NDRG3: variants seen among roughly 807,000 people sequenced by gnomAD.
NDRG3 encodes the protein protein NDRG3.
In NDRG3, 23 loss-of-function variants were observed where a neutral mutation model predicts 57.2. The observed-to-expected ratio is 0.40, with a 90% confidence interval of 0.29 to 0.57. NDRG3 has a LOEUF of 0.57. Ranked by LOEUF, NDRG3 falls within the 20% of genes least tolerant of loss-of-function variation. NDRG3 has a pLI of 0.42. For missense variants in NDRG3, 384 were observed against 457.3 expected (o/e 0.84, Z 1.46); for synonymous variants, 132 against 162.6 (o/e 0.81, Z 1.43).
intron 10 of NDRG3, 115 bp downstream of exon 10, chr20:36,666,174 A>G (rs1159465251): frequency 1.3e-6 from 1 of 771,746 alleles, no homozygotes; most frequent in Admixed American, 2.4e-5. Context: ...AGGGGCTCAC[A>G]TTTTCACCTC....
At chr20:36,707,879 T>A (rs1983636851) in intron 2 of NDRG3, among the ~76,000 whole-genome samples, 1 of 151,236 alleles carries the variant, frequency 6.6e-6, no homozygotes, top group South Asian at 2.1e-4. Flanking sequence ...AGGTCAGGAG[T>A]TTGTGGGCAG....
chr20:36,708,789 G>A (rs190266867), intron 2 of NDRG3, among the ~76,000 whole-genome samples: 6 of 151,830 alleles, frequency 4.0e-5, no homozygotes, highest in Non-Finnish European at 7.4e-5. Context: ...ATCCCAGCAC[G>A]GCACTTTGGG....
At chr20:36,736,100 C>G (rs1039233157) in intron 1 of NDRG3, among the ~76,000 whole-genome samples, 1 of 151,864 alleles carries the variant, frequency 6.6e-6, no homozygotes, top group African/African-American at 2.4e-5. Context: ...CTTTACTACA[C>G]AGACAACCCC....
chr20:36,694,385 G>T (rs1568648483), intron 3 of NDRG3, among the ~76,000 whole-genome samples: 1 of 152,200 alleles, frequency 6.6e-6, no homozygotes, highest in Non-Finnish European at 1.5e-5. Context: ...CATAAAAGAA[G>T]TGAAAAACAG....
chr20:36,664,832 G>A (rs1052452017), intron 12 of NDRG3, among the ~76,000 whole-genome samples: 1 of 152,040 alleles, frequency 6.6e-6, no homozygotes, highest in African/African-American at 2.4e-5. Context: ...TGGGACTACA[G>A]GCTGTCACCA....
intron 1 of NDRG3, among the ~76,000 whole-genome samples, chr20:36,737,490 A>C (rs571717435): frequency 6.6e-6 from 1 of 152,216 alleles, no homozygotes; most frequent in Non-Finnish European, 1.5e-5. Flanking sequence ...TTGAGCGCTT[A>C]ACACTATGCC....
chr20:36,658,219 C>A (rs775640085), intron 13 of NDRG3, among the ~76,000 whole-genome samples: 8 of 152,162 alleles, frequency 5.3e-5, no homozygotes, highest in Non-Finnish European at 1.2e-4. Context: ...GCAACCTCCA[C>A]CTCCCAGGTT....
chr20:36,685,738 T>C (rs866005947), intron 5 of NDRG3, among the ~76,000 whole-genome samples: 5 of 152,172 alleles, frequency 3.3e-5, no homozygotes, highest in African/African-American at 4.8e-5. Context: ...ACTGGGAGCG[T>C]TGGCTCACGC....
chr20:36,728,748 CAG>C (rs1374101258), intron 1 of NDRG3, among the ~76,000 whole-genome samples: 6 of 151,564 alleles, frequency 4.0e-5, no homozygotes, highest in Admixed American at 1.3e-4. Flanking sequence ...GGTTTTGAGA[CAG>C]AGTCTCACTC....
chr20:36,696,797 G>C (rs982102768), intron 3 of NDRG3, among the ~76,000 whole-genome samples: 16 of 152,176 alleles, frequency 1.1e-4, no homozygotes, highest in Non-Finnish European at 2.1e-4. Flanking sequence ...GGCCGCCTCT[G>C]GCCTTTTCTA....
chr20:36,671,075 T>C (rs1980110176), intron 9 of NDRG3, among the ~76,000 whole-genome samples: 1 of 152,186 alleles, frequency 6.6e-6, no homozygotes, highest in Non-Finnish European at 1.5e-5. Context: ...GGGAGGCACG[T>C]GATGTCAAAC....
At chr20:36,697,577 G>A (rs972109011) in intron 3 of NDRG3, among the ~76,000 whole-genome samples, 5 of 152,068 alleles carry the variant, frequency 3.3e-5, no homozygotes, top group Admixed American at 6.6e-5. Flanking sequence ...GCGTGGTGGC[G>A]GGTGCCTATA....
chr20:36,730,610 A>T (rs988256829), intron 1 of NDRG3, among the ~76,000 whole-genome samples: 84 of 151,736 alleles, frequency 5.5e-4, no homozygotes, highest in African/African-American at 2.0e-3. Flanking sequence ...GAAAAAAATA[A>T]AAAAAAAGGA....
intron 8 of NDRG3, among the ~76,000 whole-genome samples, chr20:36,678,943 A>G (rs1047427314): frequency 6.6e-6 from 1 of 152,136 alleles, no homozygotes; most frequent in Non-Finnish European, 1.5e-5. Context: ...ATTTTCATTT[A>G]CTTTATTTTT....
chr20:36,740,348 AT>A (rs899718066), intron 1 of NDRG3, among the ~76,000 whole-genome samples: 3 of 151,580 alleles, frequency 2.0e-5, no homozygotes, highest in South Asian at 4.2e-4. Context: ...ATCAACAACA[AT>A]TTTTTTTTGT....
intron 3 of NDRG3, among the ~76,000 whole-genome samples, chr20:36,689,255 C>CTATGTA (rs1982056377): frequency 6.6e-6 from 1 of 152,062 alleles, no homozygotes; most frequent in East Asian, 1.9e-4. Context: ...CATAATATTC[C>CTATGTA]TACTTTCCAA....
rs143966317 is a variant in NDRG3, at chr20:36,659,371, G to A, written c.858+966C>T. ...TCAAACTCCTGGACTCAAGTGATCC[G>A]CCCAACTCAGCCTCCCAAAGTGTTG... On this transcript the variant is annotated intron_variant, in intron 13 of 15. Coordinates refer to ENST00000349004, the MANE Select transcript of NDRG3 (RefSeq NM_032013.4). Among the ~76,000 whole-genome samples the A allele has an allele frequency of 5.7e-3, 862 of 151,928 alleles. 10 individuals carry two copies. Among genetic ancestry groups the A allele is most frequent in the African/African-American group, 0.02 (821 of 41,406 alleles).
intron 1 of NDRG3, among the ~76,000 whole-genome samples, chr20:36,740,214 A>G (rs1985858942): frequency 6.6e-6 from 1 of 152,244 alleles, no homozygotes; most frequent in African/African-American, 2.4e-5. Context: ...TCCCAAATCC[A>G]GGGAGGATAC....
intron 1 of NDRG3, among the ~76,000 whole-genome samples, chr20:36,745,670 T>C (rs1361822076): frequency 6.6e-6 from 1 of 151,810 alleles, no homozygotes. Context: ...GCGGGCGAGG[T>C]AGATGGATGA....
Sources: gnomAD v4.1 joint callset for allele counts (sites outside exome capture counted in the v4.1 genomes callset) on GRCh38, gnomAD v4.1.1 for gene constraint, MANE v1.5 for transcripts, NCBI Gene and HGNC (gene_info 2026-07-23, HGNC 2026-07-21) for gene names.